WWOX: variants seen among roughly 807,000 people sequenced by gnomAD.
WWOX encodes the protein WW domain containing oxidoreductase, also known as WW domain-containing oxidoreductase.
In WWOX, 69 loss-of-function variants were observed where a neutral mutation model predicts 46.2. That is an observed-to-expected ratio of 1.49 (90% CI 1.23 to 1.82). WWOX has a LOEUF of 1.82. Ranked by LOEUF, WWOX falls within the 40% of genes most tolerant of loss-of-function variation. The pLI, the probability that WWOX is intolerant of heterozygous loss-of-function variation, is 0.00. For synonymous variants in WWOX, 359 were observed against 202.6 expected, an observed-to-expected ratio of 1.77 and a Z score of -6.56; for missense variants, 919 against 542.6, an observed-to-expected ratio of 1.69 and a Z score of -6.89.
At chr16:78,797,168 C>G (rs181534229) in intron 8 of WWOX, among the ~76,000 whole-genome samples, 65 of 152,040 alleles carry the variant, frequency 4.3e-4, no homozygotes, top group Admixed American at 2.5e-3. Context: ...CGTACCTGCC[C>G]TGTCTGCCTC....
intron 5 of WWOX, among the ~76,000 whole-genome samples, chr16:78,368,417 G>C (rs1260480285): frequency 1.3e-5 from 2 of 152,178 alleles, no homozygotes; most frequent in Non-Finnish European, 2.9e-5. Context: ...GACTCATAAA[G>C]TCACTGCTGT....
intron 8 of WWOX, among the ~76,000 whole-genome samples, chr16:79,080,409 C>G (rs996466929): frequency 2.0e-5 from 3 of 152,124 alleles, no homozygotes; most frequent in Non-Finnish European, 4.4e-5. Flanking sequence ...TACCTAGAAC[C>G]AAATTGCCTA....
chr16:78,916,700 A>G (rs1377447075), intron 8 of WWOX, among the ~76,000 whole-genome samples: 1 of 152,228 alleles, frequency 6.6e-6, no homozygotes, highest in Non-Finnish European at 1.5e-5. Context: ...GACTTGAAAC[A>G]AAATAAAAGT....
intron 8 of WWOX, among the ~76,000 whole-genome samples, chr16:79,134,428 C>T (rs1567573415): frequency 6.6e-6 from 1 of 152,090 alleles, no homozygotes; most frequent in Non-Finnish European, 1.5e-5. Context: ...GCTGGAGGGA[C>T]TGAAGTTATA....
chr16:78,531,984 C>A (rs2043634272), intron 8 of WWOX, among the ~76,000 whole-genome samples: 1 of 151,734 alleles, frequency 6.6e-6, no homozygotes. Context: ...AAGTAATAAA[C>A]AAATAAGTTT....
chr16:78,686,384 G>A (rs377261116), intron 8 of WWOX, among the ~76,000 whole-genome samples: 74 of 152,176 alleles, frequency 4.9e-4, no homozygotes, highest in East Asian at 3.3e-3. Flanking sequence ...GGTGGCGGGC[G>A]CCTGTAGTCC....
At chr16:78,645,744 C>T (rs528423027) in intron 8 of WWOX, among the ~76,000 whole-genome samples, 6 of 152,194 alleles carry the variant, frequency 3.9e-5, no homozygotes, top group Non-Finnish European at 7.3e-5. Flanking sequence ...CGGCCTCCAA[C>T]ATTGGAGATC....
At chr16:78,468,784 A>C (rs1002023889) in intron 8 of WWOX, among the ~76,000 whole-genome samples, 1 of 152,180 alleles carries the variant, frequency 6.6e-6, no homozygotes, top group Non-Finnish European at 1.5e-5. Flanking sequence ...GGGATACAGC[A>C]ACAATCTATA....
chr16:78,787,017 G>C (rs1302542843), intron 8 of WWOX, among the ~76,000 whole-genome samples: 1 of 152,070 alleles, frequency 6.6e-6, no homozygotes. Flanking sequence ...GTGTGGTGCT[G>C]GGTGCCTGTA....
intron 8 of WWOX, among the ~76,000 whole-genome samples, chr16:78,801,272 G>C (rs549263703): frequency 2.6e-5 from 4 of 152,260 alleles, no homozygotes; most frequent in African/African-American, 9.6e-5. Context: ...CTCTTTGGGA[G>C]GCCAACGCAG....
At chr16:78,630,923 A>T (rs578007525) in intron 8 of WWOX, among the ~76,000 whole-genome samples, 6 of 152,322 alleles carry the variant, frequency 3.9e-5, no homozygotes, top group Admixed American at 2.0e-4. Context: ...CTAATGACAG[A>T]TTAAAAGCAT....
chr16:78,821,439 A>T (rs2051490536), intron 8 of WWOX, among the ~76,000 whole-genome samples: 1 of 152,102 alleles, frequency 6.6e-6, no homozygotes, highest in Admixed American at 6.5e-5. Flanking sequence ...CCCGGTGGCT[A>T]ATAAAGTAGA....
chr16:78,944,986 C>G (rs55633927), intron 8 of WWOX, among the ~76,000 whole-genome samples: 3,788 of 152,254 alleles, frequency 0.025, 84 homozygotes, highest in South Asian at 0.09. Flanking sequence ...CAAGACCAGC[C>G]TGAGCAACAT....
At chr16:78,752,281 T>C (rs1482830683) in intron 8 of WWOX, among the ~76,000 whole-genome samples, 1 of 152,202 alleles carries the variant, frequency 6.6e-6, no homozygotes, top group African/African-American at 2.4e-5. Context: ...AAAACAAAGA[T>C]ATTCTTTCTT....
intron 5 of WWOX, among the ~76,000 whole-genome samples, chr16:78,267,627 C>A (rs527610594): frequency 1.3e-5 from 2 of 152,330 alleles, no homozygotes; most frequent in African/African-American, 4.8e-5. Flanking sequence ...GGAAACCAAG[C>A]CTGAGACATG....
chr16:79,191,689 T>G (rs748815517), intron 8 of WWOX, among the ~76,000 whole-genome samples: 1 of 152,160 alleles, frequency 6.6e-6, no homozygotes, highest in African/African-American at 2.4e-5. Context: ...TAGGCCATGA[T>G]AAAGAATAAA....
intron 6 of WWOX, among the ~76,000 whole-genome samples, chr16:78,406,333 TATATATATATATATATATA>T (rs2082540057): frequency 1.0e-5 from 1 of 95,694 alleles, no homozygotes; most frequent in African/African-American, 9.1e-5. Flanking sequence ...TATATATATA[TATATATATATATATATATA>T]TATTTTATTA....
intron 8 of WWOX, among the ~76,000 whole-genome samples, chr16:78,743,225 C>T (rs2049273024): frequency 6.6e-6 from 1 of 152,154 alleles, no homozygotes. Flanking sequence ...AGAGCAAAAG[C>T]CATCTTATCT....
intron 4 of WWOX, among the ~76,000 whole-genome samples, chr16:78,116,271 T>C (rs2151676470): frequency 6.6e-6 from 1 of 152,328 alleles, no homozygotes; most frequent in African/African-American, 2.4e-5. Context: ...TTTGTACCCA[T>C]TAACCATCTG....
Sources: gnomAD v4.1 joint callset for allele counts (sites outside exome capture counted in the v4.1 genomes callset) on GRCh38, gnomAD v4.1.1 for gene constraint, MANE v1.5 for transcripts, NCBI Gene and HGNC (gene_info 2026-07-23, HGNC 2026-07-21) for gene names.